EPHA7: variants seen among roughly 807,000 people sequenced by gnomAD.
The protein encoded by EPHA7 is EPH receptor A7.
Under a neutral mutation model 112.6 loss-of-function variants are expected in EPHA7, and 25 were observed. The ratio of observed to expected loss-of-function variants is 0.22; its 90% CI spans 0.16 to 0.31. The LOEUF is 0.31. EPHA7 is among the 10% of genes least tolerant of loss of function. The probability of loss-of-function intolerance (pLI) is 1.00; values close to 1 mark genes in which losing one functional copy is unlikely to be tolerated. For missense variants in EPHA7, 962 were observed against 1,212.6 expected (o/e 0.79, Z 3.07); for synonymous variants, 437 against 406.5 (o/e 1.07, Z -0.90).
At chr6:93,264,568 G>C (rs762131020) in intron 8 of EPHA7, 26 bp downstream of exon 8, 2 of 1,417,456 alleles carry the variant, frequency 1.4e-6, no homozygotes, top group Non-Finnish European at 2.0e-6. Context: ...TTTTATGTTA[G>C]AGATTAGAAC....
At chr6:93,323,223 C>A (rs1039405600) in intron 5 of EPHA7, among the ~76,000 whole-genome samples, 4 of 151,476 alleles carry the variant, frequency 2.6e-5, no homozygotes, top group African/African-American at 9.7e-5. Context: ...AATGTAAAGG[C>A]TCTAAAATTT....
Position 93,369,180 on chromosome 6 carries a change from CCACACACACA to C in EPHA7, c.833-10779_833-10770del, listed in dbSNP as rs35708007. On this transcript the variant is annotated intron_variant, in intron 3 of 16. Coordinates refer to ENST00000369303, the MANE Select transcript of EPHA7 (RefSeq NM_004440.4). ...AAAGAAAAGAAAAGAAAAATAAAGG[CCACACACACA>C]CACACACACACACACACACACACAC... Among the ~76,000 whole-genome samples the C allele has an allele frequency of 1.3e-3, 186 of 144,912 alleles. 2 individuals are homozygous for C. The East Asian group carries it at 0.017, about 13-fold the overall frequency.
Position 93,410,997 on chromosome 6 carries a change from A to G in EPHA7, c.336T>C (p.Leu112=). The G allele has an allele frequency of 1.2e-6, 2 of 1,614,094 alleles. No individual in the cohort carries two copies. Among genetic ancestry groups the G allele is most frequent in the Non-Finnish European group, 1.7e-6 (2 of 1,179,988 alleles). Residue 112 remains leucine, a synonymous_variant, in exon 3 of 17, where the codon CTT becomes CTC. Transcript: ENST00000369303. The surrounding 1 kb of genome is among the most constrained non-coding windows in gnomAD (Gnocchi z 4.0). ...CCTTGCAAGTTCCCAGTACTCCAGGAAGACTGTTACAATCCCTCAGGGTGA... is the reference window on the plus strand; with the variant it reads ...CCTTGCAAGTTCCCAGTACTCCAGGGAGACTGTTACAATCCCTCAGGGTGA... ...LKFTLRDCNS[L]PGVLGTCKET... is the part of the protein sequence containing the mutation.
intron 3 of EPHA7, among the ~76,000 whole-genome samples, chr6:93,378,896 T>C (rs1161347295): frequency 6.6e-6 from 1 of 152,118 alleles, no homozygotes; most frequent in African/African-American, 2.4e-5. Context: ...CTTGTGTTAT[T>C]TGGTGTGTAC....
intron 5 of EPHA7, among the ~76,000 whole-genome samples, chr6:93,348,888 TCC>T (rs749730978): frequency 0.85 from 129,214 of 151,512 alleles, 55,279 homozygotes; most frequent in African/African-American, 0.91. Flanking sequence ...ACCGCCATTT[TCC>T]CCTAATGAAG....
intron 3 of EPHA7, among the ~76,000 whole-genome samples, chr6:93,393,059 T>C (rs961277952): frequency 2.6e-5 from 4 of 151,948 alleles, no homozygotes; most frequent in African/African-American, 7.2e-5. Flanking sequence ...TAATCATATG[T>C]GGCTGTAATT....
intron 8 of EPHA7, among the ~76,000 whole-genome samples, chr6:93,264,170 T>G (rs900277487): frequency 2.0e-5 from 3 of 151,562 alleles, no homozygotes; most frequent in African/African-American, 7.3e-5. Context: ...ATGATTTGAA[T>G]CCACAAGGTT....
At position 93,356,615 on chromosome 6, in the gene EPHA7, A is replaced by G. The variant is rs1003472003; in HGVS notation, c.1324+102T>C. On this transcript the variant is annotated intron_variant, in intron 5 of 16. Transcript: ENST00000369303. ...AGCTGTAAATAATCAACAAGCTGGA[A>G]GAATCAAGCTCTGTGCAGAGAAACT... is the stretch of plus-strand genomic sequence containing the variant. 14 of 1,077,784 alleles carry G rather than the reference A, an allele frequency of 1.3e-5. No homozygotes were observed. In the Middle Eastern group the frequency reaches 8.4e-4, roughly 64 times the overall value. 66.8% of individuals were successfully genotyped at this position (1,077,784 alleles called of 1,614,324 possible). A position where few individuals can be genotyped will look rare whatever the true frequency, so the allele number is the denominator to read the frequency against.
intron 3 of EPHA7, among the ~76,000 whole-genome samples, chr6:93,370,691 T>C (rs1406855489): frequency 6.6e-6 from 1 of 152,210 alleles, no homozygotes; most frequent in Admixed American, 6.5e-5. Flanking sequence ...ACATTTCATA[T>C]GTCTCTAAGA....
chr6:93,399,013 A>G (rs1778312572), intron 3 of EPHA7, among the ~76,000 whole-genome samples: 2 of 152,206 alleles, frequency 1.3e-5, no homozygotes, highest in Admixed American at 1.3e-4. Flanking sequence ...TTAATTTTAA[A>G]AGTCAGTTTT....
intron 3 of EPHA7, among the ~76,000 whole-genome samples, chr6:93,399,681 T>C (rs897071940): frequency 6.6e-6 from 1 of 152,060 alleles, no homozygotes; most frequent in Non-Finnish European, 1.5e-5. Context: ...TGTGTGTGTG[T>C]GCGCGTGCAC....
At chr6:93,258,929 AT>A (rs1770567276) in intron 10 of EPHA7, among the ~76,000 whole-genome samples, 1 of 151,910 alleles carries the variant, frequency 6.6e-6, no homozygotes, top group Non-Finnish European at 1.5e-5. Context: ...TTCTACATGA[AT>A]TTAAAGTACA....
At chr6:93,287,952 T>C (rs1772154430) in intron 5 of EPHA7, among the ~76,000 whole-genome samples, 1 of 152,182 alleles carries the variant, frequency 6.6e-6, no homozygotes, top group South Asian at 2.1e-4. Flanking sequence ...TTGGCAAGAA[T>C]TTGAAAATAG....
At chr6:93,247,854 G>T (rs1476519289) in intron 14 of EPHA7, among the ~76,000 whole-genome samples, 1 of 151,982 alleles carries the variant, frequency 6.6e-6, no homozygotes, top group Non-Finnish European at 1.5e-5. Flanking sequence ...GTGAAAAATA[G>T]GCCCCTATAA....
chr6:93,299,250 C>T (rs1037627747), intron 5 of EPHA7, among the ~76,000 whole-genome samples: 34 of 151,794 alleles, frequency 2.2e-4, no homozygotes, highest in African/African-American at 8.0e-4. Flanking sequence ...GGCGTGAACC[C>T]GGGAGGCGGA....
At chr6:93,248,419 T>A in intron 14 of EPHA7, among the ~76,000 whole-genome samples, 1 of 152,122 alleles carries the variant, frequency 6.6e-6, no homozygotes, top group East Asian at 1.9e-4. Context: ...GACTTAGTTA[T>A]AGTAATTTTT....
chr6:93,257,420 A>G, intron 12 of EPHA7, 42 bp downstream of exon 12: 2 of 1,436,060 alleles, frequency 1.4e-6, no homozygotes, highest in African/African-American at 2.9e-5. Context: ...ATTGGTAGCA[A>G]GCATAGTATA....
At chr6:93,398,610 G>C (rs1012788055) in intron 3 of EPHA7, among the ~76,000 whole-genome samples, 1 of 151,896 alleles carries the variant, frequency 6.6e-6, no homozygotes, top group Non-Finnish European at 1.5e-5. Context: ...GAAATCAGAT[G>C]GAACAGGGAT....
intron 7 of EPHA7, among the ~76,000 whole-genome samples, chr6:93,265,388 A>G (rs1259134341): frequency 2.0e-5 from 3 of 151,672 alleles, no homozygotes; most frequent in South Asian, 4.1e-4. Context: ...AACCCTTCCT[A>G]TACAATACTA....
Sources: gnomAD v4.1 joint callset for allele counts (sites outside exome capture counted in the v4.1 genomes callset) on GRCh38, gnomAD v4.1.1 for gene constraint, Gnocchi (gnomAD v3.1) non-coding constraint, MANE v1.5 for transcripts, NCBI Gene and HGNC (gene_info 2026-07-23, HGNC 2026-07-21) for gene names.